DNAH11: variants seen among roughly 807,000 people sequenced by gnomAD.
The protein encoded by DNAH11 is dynein axonemal heavy chain 11.
A neutral mutation model predicts 526.0 loss-of-function variants in DNAH11; 442 were observed. The ratio of observed to expected loss-of-function variants is 0.84; its 90% CI spans 0.78 to 0.91. The LOEUF (loss-of-function observed/expected upper bound fraction) is 0.91, where lower values mean the gene tolerates loss of function less well. Among genes scored for constraint, DNAH11 ranks in the 40% least tolerant of loss-of-function variants. DNAH11 has a pLI of 0.00. For synonymous variants in DNAH11, 2,461 were observed against 1,935.9 expected (o/e 1.27, Z -7.12); for missense variants, 6,989 against 5,448.7 (o/e 1.28, Z -8.90).
chr7:21,843,712 C>A (rs994188324), intron 66 of DNAH11, among the ~76,000 whole-genome samples: 2 of 151,934 alleles, frequency 1.3e-5, no homozygotes, highest in Non-Finnish European at 2.9e-5. Flanking sequence ...AACTCCTCAC[C>A]TTGTGATCCT....
intron 20 of DNAH11, among the ~76,000 whole-genome samples, chr7:21,614,446 C>T (rs1257270298): frequency 3.3e-5 from 5 of 152,136 alleles, no homozygotes; most frequent in Non-Finnish European, 7.4e-5. Flanking sequence ...TGAACTTTTA[C>T]CATGTAAGCA....
chr7:21,812,498 A>G (rs1055288345), intron 63 of DNAH11, among the ~76,000 whole-genome samples: 4 of 141,638 alleles, frequency 2.8e-5, no homozygotes, highest in Non-Finnish European at 4.5e-5. Context: ...GTGAGACACT[A>G]TCTATATGAA....
At chr7:21,802,548 TAAG>T (rs1158641156) in intron 62 of DNAH11, among the ~76,000 whole-genome samples, 3 of 152,138 alleles carry the variant, frequency 2.0e-5, no homozygotes, top group Non-Finnish European at 4.4e-5. Context: ...TCATAATAGC[TAAG>T]AATAGAAACA....
chr7:21,572,374 A>G (rs1783927070), intron 8 of DNAH11, among the ~76,000 whole-genome samples: 1 of 152,196 alleles, frequency 6.6e-6, no homozygotes, highest in Non-Finnish European at 1.5e-5. Flanking sequence ...CATTAAGTGT[A>G]TCATTTACAT....
chr7:21,636,481 T>TCCCA (rs1217659219), intron 26 of DNAH11, among the ~76,000 whole-genome samples: 1 of 152,146 alleles, frequency 6.6e-6, no homozygotes, highest in Non-Finnish European at 1.5e-5. Context: ...ACACCTATAA[T>TCCCA]CCCAGCCTTT....
chr7:21,840,230 T>C (rs1285769191), intron 65 of DNAH11, among the ~76,000 whole-genome samples: 1 of 152,250 alleles, frequency 6.6e-6, no homozygotes, highest in Non-Finnish European at 1.5e-5. Flanking sequence ...CTGAATGCGA[T>C]AGAACATCTT....
In DNAH11 at chr7:21,683,964, G is replaced by C. The variant is rs372643687; in HGVS notation, c.5621+20G>C. 1.2e-6 allele frequency: 2 copies of C among 1,609,806 alleles called. No homozygotes were observed. The highest frequency in any genetic ancestry group is 1.7e-6 in the Non-Finnish European group (2 of 1,178,184). On this transcript the variant is annotated intron_variant, in intron 32 of 81. Transcript: ENST00000409508. ...TGACAGGTAACAATTCAAAGTTTCC[G>C]TCCAGATAGGAAAAACAACCCAAAA...
chr7:21,763,325 G>T (rs1227342992), intron 54 of DNAH11, among the ~76,000 whole-genome samples: 4 of 105,248 alleles, frequency 3.8e-5, no homozygotes, highest in African/African-American at 1.4e-4. Flanking sequence ...CTGGGCAACA[G>T]AGCAAGACTG....
intron 28 of DNAH11, among the ~76,000 whole-genome samples, chr7:21,642,580 G>A (rs987902032): frequency 2.0e-5 from 3 of 151,858 alleles, no homozygotes; most frequent in African/African-American, 7.3e-5. Flanking sequence ...TCCCTGTAGT[G>A]TGACCGAGAT....
intron 25 of DNAH11, among the ~76,000 whole-genome samples, chr7:21,624,115 T>G (rs1175967983): frequency 6.6e-6 from 1 of 152,040 alleles, no homozygotes; most frequent in Non-Finnish European, 1.5e-5. Context: ...TTGCAACACA[T>G]GAGCTTTGAG....
chr7:21,560,565 T>A (rs1270181409), intron 4 of DNAH11, among the ~76,000 whole-genome samples: 2 of 152,156 alleles, frequency 1.3e-5, no homozygotes, highest in African/African-American at 4.8e-5. Flanking sequence ...GAACTTGGAT[T>A]CTGATGTTCA....
chr7:21,616,896 A>G (rs977824450), intron 22 of DNAH11, among the ~76,000 whole-genome samples: 5 of 152,206 alleles, frequency 3.3e-5, no homozygotes, highest in African/African-American at 4.8e-5. Context: ...AAAGGCAGTT[A>G]AAAGTGACAG....
chr7:21,823,375 C>G (rs987920666), intron 65 of DNAH11, among the ~76,000 whole-genome samples: 1 of 152,054 alleles, frequency 6.6e-6, no homozygotes, highest in Non-Finnish European at 1.5e-5. Context: ...CCAGCCCTTT[C>G]ATTTCTTCTT....
intron 62 of DNAH11, among the ~76,000 whole-genome samples, chr7:21,803,347 T>G (rs1193563293): frequency 6.6e-6 from 1 of 152,188 alleles, no homozygotes; most frequent in Non-Finnish European, 1.5e-5. Flanking sequence ...CTAGGCTCTT[T>G]GTTGCCCTCT....
In DNAH11 at chr7:21,899,260, C is replaced by G. The variant is rs114004354; in HGVS notation, c.13050-76C>G. 4.2e-6 allele frequency: 5 copies of G among 1,198,448 alleles called. No homozygotes were observed. The African/African-American group carries it at 6.0e-5, about 14-fold the overall frequency. 74.2% of individuals were successfully genotyped at this position (1,198,448 alleles called of 1,614,324 possible). ...TCCTCCACCACCACCCTGCCCTAAC[C>G]GCCCACAACAGAACATACTGGAAAA... On this transcript the variant is annotated intron_variant, in intron 79 of 81. Transcript: ENST00000409508.
intron 61 of DNAH11, among the ~76,000 whole-genome samples, chr7:21,796,031 C>T (rs1041366122): frequency 6.6e-6 from 1 of 152,050 alleles, no homozygotes; most frequent in African/African-American, 2.4e-5. Context: ...TGTGTGGGGT[C>T]TCTTGTGGTG....
At chr7:21,564,523 C>CTGTTA in intron 6 of DNAH11, 126 bp downstream of exon 6, 1 of 667,422 alleles carries the variant, frequency 1.5e-6, no homozygotes, top group Non-Finnish European at 2.3e-6. Flanking sequence ...TCAGAAAGGA[C>CTGTTA]ATTTTTGGTA....
chr7:21,623,357 A>G (rs923815071), intron 25 of DNAH11, among the ~76,000 whole-genome samples: 1 of 151,720 alleles, frequency 6.6e-6, no homozygotes, highest in Non-Finnish European at 1.5e-5. Flanking sequence ...ACACTTTTAC[A>G]CTGTTGGTGG....
At chr7:21,601,691 C>A in intron 18 of DNAH11, 73 bp downstream of exon 18, 1 of 1,165,456 alleles carries the variant, frequency 8.6e-7, no homozygotes, top group Non-Finnish European at 1.2e-6. Context: ...TTTACATGTA[C>A]TCTCTTATGA....
Sources: allele counts gnomAD v4.1 joint callset (sites outside exome capture counted in the v4.1 genomes callset), GRCh38; gene constraint gnomAD v4.1.1; transcripts MANE v1.5; gene names NCBI Gene and HGNC (gene_info 2026-07-23, HGNC 2026-07-21).